The following ATRNL1 variants were observed in gnomAD, a reference collection of about 807,000 sequenced individuals.
The protein encoded by ATRNL1 is attractin like 1.
In ATRNL1, 95 loss-of-function variants were observed where a neutral mutation model predicts 182.7. The ratio of observed to expected loss-of-function variants is 0.52; its 90% CI spans 0.44 to 0.62. ATRNL1 has a LOEUF of 0.62. Among genes scored for constraint, ATRNL1 ranks in the 20% least tolerant of loss-of-function variants. ATRNL1 has a pLI of 0.00. For missense variants in ATRNL1, 1,471 were observed against 1,679.5 expected, an observed-to-expected ratio of 0.88 and a Z score of 2.17; for synonymous variants, 576 against 568.3, an observed-to-expected ratio of 1.01 and a Z score of -0.19.
At chr10:115,342,973 A>G (rs1420379202) in intron 19 of ATRNL1, among the ~76,000 whole-genome samples, 1 of 152,152 alleles carries the variant, frequency 6.6e-6, no homozygotes, top group Non-Finnish European at 1.5e-5. Flanking sequence ...TCCACTGAAC[A>G]GTCTGCCGCC....
intron 25 of ATRNL1, among the ~76,000 whole-genome samples, chr10:115,531,513 A>G (rs189351583): frequency 0.018 from 2,787 of 151,590 alleles, 82 homozygotes; most frequent in African/African-American, 0.064. Flanking sequence ...AGTTCATTGT[A>G]GATTCTGGAT....
At chr10:115,197,600 T>C (rs1208805116) in intron 8 of ATRNL1, among the ~76,000 whole-genome samples, 2 of 152,120 alleles carry the variant, frequency 1.3e-5, no homozygotes, top group Non-Finnish European at 2.9e-5. Flanking sequence ...CAAATAAGAT[T>C]ACACTGTGTA....
chr10:115,543,353 G>A (rs1852469109), intron 25 of ATRNL1, among the ~76,000 whole-genome samples: 1 of 151,896 alleles, frequency 6.6e-6, no homozygotes, highest in Non-Finnish European at 1.5e-5. Context: ...TTTTAAGTTA[G>A]AAGTGTATTC....
intron 26 of ATRNL1, chr10:115,597,723 T>G (rs1192591995): frequency 2.2e-6 from 1 of 445,864 alleles, no homozygotes; most frequent in Non-Finnish European, 4.5e-6. Flanking sequence ...ATTTTTGTAT[T>G]TTTTAGTAGA....
intron 6 of ATRNL1, among the ~76,000 whole-genome samples, chr10:115,162,304 G>C (rs1160372234): frequency 2.0e-5 from 3 of 152,030 alleles, no homozygotes; most frequent in African/African-American, 7.2e-5. Context: ...AAATGTAATA[G>C]TTAAGGTAGG....
At chr10:115,578,840 T>C (rs1371110211) in intron 26 of ATRNL1, among the ~76,000 whole-genome samples, 1 of 151,694 alleles carries the variant, frequency 6.6e-6, no homozygotes, top group East Asian at 1.9e-4. Flanking sequence ...TCTTCTGTTT[T>C]AATGTAGACA....
chr10:115,852,946 G>C (rs1417215536), intron 28 of ATRNL1, among the ~76,000 whole-genome samples: 3 of 152,156 alleles, frequency 2.0e-5, no homozygotes, highest in African/African-American at 7.2e-5. Context: ...TTGTATGTCT[G>C]AGCTCTGGAC....
intron 20 of ATRNL1, among the ~76,000 whole-genome samples, chr10:115,402,693 C>T (rs146515320): frequency 1.6e-3 from 240 of 152,150 alleles, no homozygotes; most frequent in African/African-American, 5.4e-3. Flanking sequence ...TTAAAAATAC[C>T]ATTTCCTAAG....
chr10:115,672,958 C>G (rs1255553868), intron 26 of ATRNL1, among the ~76,000 whole-genome samples: 1 of 152,082 alleles, frequency 6.6e-6, no homozygotes, highest in Non-Finnish European at 1.5e-5. Context: ...TAGTTCATTG[C>G]CAAATCCTGC....
At chr10:115,128,810 G>A (rs1294630868) in intron 4 of ATRNL1, among the ~76,000 whole-genome samples, 2 of 138,428 alleles carry the variant, frequency 1.4e-5, no homozygotes, top group Non-Finnish European at 3.1e-5. Flanking sequence ...CTGGGCGACA[G>A]AGCGAGACTG....
chr10:115,488,709 C>T (rs183423216), intron 24 of ATRNL1, among the ~76,000 whole-genome samples: 7 of 151,958 alleles, frequency 4.6e-5, no homozygotes, highest in East Asian at 3.9e-4. Flanking sequence ...AAGGGTTTTT[C>T]GTGTCTCTAT....
intron 26 of ATRNL1, among the ~76,000 whole-genome samples, chr10:115,606,159 T>C (rs1410025732): frequency 6.6e-6 from 1 of 152,062 alleles, no homozygotes; most frequent in African/African-American, 2.4e-5. Flanking sequence ...TGTACACTGT[T>C]GTATATTTTG....
At chr10:115,216,285 T>C (rs1308645266) in intron 9 of ATRNL1, among the ~76,000 whole-genome samples, 1 of 152,222 alleles carries the variant, frequency 6.6e-6, no homozygotes, top group Non-Finnish European at 1.5e-5. Flanking sequence ...GTGAGATTTT[T>C]GTATCTGAGA....
intron 28 of ATRNL1, among the ~76,000 whole-genome samples, chr10:115,936,607 T>G (rs1555122906): frequency 6.6e-6 from 1 of 152,186 alleles, no homozygotes; most frequent in African/African-American, 2.4e-5. Flanking sequence ...TAAAACACTT[T>G]CACATACATA....
rs575584578 is a variant in ATRNL1, at chr10:115,732,532, A to G, written c.3903+5177A>G. ...AAACATTATTTTTCAAAATTCCTTT[A>G]CATACACTATCTCAATCTCATTTGA... On this transcript the variant is annotated intron_variant, in intron 27 of 28. Transcript: ENST00000355044. Among the ~76,000 whole-genome samples, 24 of 152,338 alleles carry G rather than the reference A, an allele frequency of 1.6e-4. No homozygotes were observed. In the South Asian group the frequency reaches 2.7e-3, roughly 17 times the overall value.
At chr10:115,870,396 ATCC>A (rs1387334110) in intron 28 of ATRNL1, among the ~76,000 whole-genome samples, 2 of 152,254 alleles carry the variant, frequency 1.3e-5, no homozygotes, top group African/African-American at 4.8e-5. Context: ...AGATAAGGCC[ATCC>A]TTTTGCATAT....
At chr10:115,938,540 G>A (rs1555123410) in intron 28 of ATRNL1, among the ~76,000 whole-genome samples, 2 of 152,036 alleles carry the variant, frequency 1.3e-5, no homozygotes, top group African/African-American at 4.8e-5. Context: ...TAGCTGTGGG[G>A]TACTCCCACA....
chr10:115,612,518 C>G (rs552597122), intron 26 of ATRNL1, among the ~76,000 whole-genome samples: 2 of 152,206 alleles, frequency 1.3e-5, no homozygotes, highest in South Asian at 2.1e-4. Flanking sequence ...AGGAAGCTTT[C>G]AAAGGAAAAA....
intron 25 of ATRNL1, among the ~76,000 whole-genome samples, chr10:115,547,697 A>C (rs1358407914): frequency 1.3e-5 from 2 of 152,204 alleles, no homozygotes; most frequent in Non-Finnish European, 2.9e-5. Context: ...AAAACAAAAC[A>C]AAACAAAATG....
Sources: gnomAD v4.1 joint callset for allele counts (sites outside exome capture counted in the v4.1 genomes callset) on GRCh38, gnomAD v4.1.1 for gene constraint, MANE v1.5 for transcripts, NCBI Gene and HGNC (gene_info 2026-07-23, HGNC 2026-07-21) for gene names.